USP15: variants seen among roughly 807,000 people sequenced by gnomAD.
USP15 encodes the protein ubiquitin carboxyl-terminal hydrolase 15.
Under a neutral mutation model 127.1 loss-of-function variants are expected in USP15, and 18 were observed. That is an observed-to-expected ratio of 0.14 (90% CI 0.10 to 0.21). The LOEUF is 0.21. Ranked by LOEUF, USP15 falls within the 10% of genes least tolerant of loss-of-function variation. USP15 has a pLI of 1.00. For synonymous variants in USP15, 364 were observed against 393.7 expected (o/e 0.92, Z 0.89); for missense variants, 805 against 1,159.9 (o/e 0.69, Z 4.44).
At position 62,359,186 on chromosome 12, in the gene USP15, T is replaced by C. The variant is rs188593760; in HGVS notation, c.915+3711T>C. ...CTTTCCACAATGGCCCCAGAAGCTT[T>C]CTCATGGATCCCAGGACTCTGAGGA... is the stretch of plus-strand genomic sequence containing the variant. On this transcript the variant is annotated intron_variant, in intron 8 of 21. Coordinates refer to ENST00000280377, the MANE Select transcript of USP15 (RefSeq NM_001252078.2). 3.3e-5 allele frequency among the ~76,000 whole-genome samples: 5 copies of C among 150,730 alleles called. No homozygotes were observed. In the East Asian group the frequency reaches 9.8e-4, roughly 29 times the overall value.
At chr12:62,391,911 T>G in intron 17 of USP15, 25 bp downstream of exon 17, 1 of 1,574,804 alleles carries the variant, frequency 6.3e-7, no homozygotes, top group South Asian at 1.1e-5. Flanking sequence ...ACTCACTTAT[T>G]TACCTTTCCT....
chr12:62,328,275 T>C, intron 6 of USP15: 1 of 452,874 alleles, frequency 2.2e-6, no homozygotes, highest in Non-Finnish European at 4.4e-6. Flanking sequence ...ATCAGCAATC[T>C]TTTTTAAATG....
chr12:62,337,578 A>G lies in USP15; in HGVS notation c.684-11643A>G, dbSNP rs2065509601. On this transcript the variant is annotated intron_variant, in intron 6 of 21. Coordinates refer to ENST00000280377, the MANE Select transcript of USP15 (RefSeq NM_001252078.2). Reference sequence around the variant, plus strand: ...TGCTGCACCTATCAACCCATCATCTAGGTTTTAAGCCCCACATGCATTAGG... The same window carrying G: ...TGCTGCACCTATCAACCCATCATCTGGGTTTTAAGCCCCACATGCATTAGG... Among the ~76,000 whole-genome samples, 3 of 151,998 alleles carry G rather than the reference A, an allele frequency of 2.0e-5. 1 individual carries two copies. The highest frequency in any genetic ancestry group is 2.0e-4 in the Admixed American group (3 of 15,246).
chr12:62,298,830 C>CA (rs1163091790), intron 2 of USP15, among the ~76,000 whole-genome samples: 1,518 of 64,764 alleles, frequency 0.023, 61 homozygotes, highest in Admixed American at 0.086. Context: ...CCCTGTCTTG[C>CA]AAAAAAAAAA....
intron 7 of USP15, among the ~76,000 whole-genome samples, chr12:62,350,223 T>C (rs1293998469): frequency 6.6e-6 from 1 of 152,040 alleles, no homozygotes; most frequent in African/African-American, 2.4e-5. Context: ...TCTAAAAGAC[T>C]AAAGCTATTT....
At chr12:62,295,013 T>C (rs763694641) in intron 2 of USP15, among the ~76,000 whole-genome samples, 3 of 152,162 alleles carry the variant, frequency 2.0e-5, no homozygotes, top group Non-Finnish European at 2.9e-5. Context: ...ATGAAACCCA[T>C]GCAGACCCTT....
intron 3 of USP15, among the ~76,000 whole-genome samples, chr12:62,309,934 T>C (rs1430727572): frequency 1.3e-5 from 2 of 151,874 alleles, no homozygotes; most frequent in Non-Finnish European, 2.9e-5. Context: ...AAGTCAAGAA[T>C]AACTGTGTTA....
At position 62,407,517 on chromosome 12, in the gene USP15, T is replaced by C. The variant is rs1443009592; in HGVS notation, c.*3142T>C. ...GTATATTTAGCTCAGTATTCGAGCATTGAATAAGAAAGTACCCACTGGAAT... is the reference window on the plus strand; with the variant it reads ...GTATATTTAGCTCAGTATTCGAGCACTGAATAAGAAAGTACCCACTGGAAT... On this transcript the variant is annotated 3_prime_UTR_variant, in exon 22 of 22. Transcript: ENST00000280377. 1 of 152,244 alleles carries C rather than the reference T, an allele frequency of 6.6e-6. No individual in the cohort carries two copies. The highest frequency in any genetic ancestry group is 6.5e-5 in the Admixed American group (1 of 15,284). The allele number at this position is 152,244 out of a possible 1,614,324, so 9.4% of individuals were successfully genotyped here.
intron 4 of USP15, 163 bp downstream of exon 4, chr12:62,315,079 T>C (rs946541227): frequency 1.1e-5 from 7 of 640,920 alleles, no homozygotes; most frequent in African/African-American, 1.9e-5. Flanking sequence ...ATTTATTGTT[T>C]CTTGTATGCT....
chr12:62,309,806 A>G (rs1039870794), intron 3 of USP15, among the ~76,000 whole-genome samples: 1 of 151,966 alleles, frequency 6.6e-6, no homozygotes. Flanking sequence ...AGAGATACAA[A>G]GAACATTTGA....
intron 11 of USP15, 123 bp from the exon 12 acceptor site, chr12:62,389,308 G>A: frequency 1.3e-6 from 1 of 769,026 alleles, no homozygotes; most frequent in Non-Finnish European, 2.1e-6. Context: ...ATAGTGGCAA[G>A]ATTGGAGACA....
intron 6 of USP15, among the ~76,000 whole-genome samples, chr12:62,348,171 G>A (rs2065872460): frequency 6.6e-6 from 1 of 152,072 alleles, no homozygotes; most frequent in South Asian, 2.1e-4. Context: ...TTGTGTCACT[G>A]CCCCCCAGCC....
intron 3 of USP15, among the ~76,000 whole-genome samples, chr12:62,309,328 T>C (rs2064586823): frequency 2.0e-5 from 3 of 152,078 alleles, no homozygotes; most frequent in Admixed American, 6.6e-5. Context: ...TTAGATGAAG[T>C]GGATAATTTC....
At chr12:62,353,282 A>C (rs887459766) in intron 7 of USP15, among the ~76,000 whole-genome samples, 1 of 152,084 alleles carries the variant, frequency 6.6e-6, no homozygotes, top group East Asian at 1.9e-4. Flanking sequence ...AAACCAAAAA[A>C]CTGCTTTGCA....
chr12:62,295,002 G>A (rs926193432), intron 2 of USP15, among the ~76,000 whole-genome samples: 1 of 152,154 alleles, frequency 6.6e-6, no homozygotes, highest in Non-Finnish European at 1.5e-5. Flanking sequence ...AACATGGGAA[G>A]ATGAAACCCA....
rs2067837782 is a variant in USP15, at chr12:62,405,554, A to T, written c.*1179A>T. The T allele has an allele frequency of 6.6e-6, 1 of 152,602 alleles. No homozygotes were observed. The highest frequency in any genetic ancestry group is 2.4e-5 in the African/African-American group (1 of 41,462). The allele number at this position is 152,602 out of a possible 1,614,324, so 9.5% of individuals were successfully genotyped here. A position where few individuals can be genotyped will look rare whatever the true frequency, so the allele number is the denominator to read the frequency against. On this transcript the variant is annotated 3_prime_UTR_variant, in exon 22 of 22. Transcript: ENST00000280377. ...ACATTCAAGGATCCAGGATGCCAAAAATATGTGTGAACATTTGAAACATTT... is the reference window on the plus strand; with the variant it reads ...ACATTCAAGGATCCAGGATGCCAAATATATGTGTGAACATTTGAAACATTT...
At chr12:62,367,838 C>G (rs2066528343) in intron 8 of USP15, among the ~76,000 whole-genome samples, 1 of 152,092 alleles carries the variant, frequency 6.6e-6, no homozygotes, top group East Asian at 1.9e-4. Flanking sequence ...TTAGTTATCT[C>G]TTGTCTTCTG....
At chr12:62,327,528 T>C in intron 6 of USP15, 2 of 359,672 alleles carry the variant, frequency 5.6e-6, no homozygotes, top group South Asian at 4.3e-5. Context: ...ATTTTTGAAA[T>C]TACAAAATTG....
At chr12:62,324,375 CTT>C (rs1055918089) in intron 5 of USP15, among the ~76,000 whole-genome samples, 2 of 151,870 alleles carry the variant, frequency 1.3e-5, no homozygotes, top group Non-Finnish European at 2.9e-5. Flanking sequence ...GCTAAAATCT[CTT>C]GTTTTAAAAC....
Sources: allele counts gnomAD v4.1 joint callset (sites outside exome capture counted in the v4.1 genomes callset), GRCh38; gene constraint gnomAD v4.1.1; transcripts MANE v1.5; gene names NCBI Gene and HGNC (gene_info 2026-07-23, HGNC 2026-07-21).